The following DOCK10 variants were observed in gnomAD, a reference collection of about 807,000 sequenced individuals.
DOCK10 encodes the protein dedicator of cytokinesis protein 10.
A neutral mutation model predicts 280.1 loss-of-function variants in DOCK10; 145 were observed. The ratio of observed to expected loss-of-function variants is 0.52; its 90% CI spans 0.45 to 0.59. DOCK10 has a LOEUF of 0.59. Among genes scored for constraint, DOCK10 ranks in the 20% least tolerant of loss-of-function variants. The pLI, the probability that DOCK10 is intolerant of heterozygous loss-of-function variation, is 0.00. For missense variants in DOCK10, 2,368 were observed against 2,651.7 expected (o/e 0.89, Z 2.35); for synonymous variants, 915 against 942.2 (o/e 0.97, Z 0.53).
chr2:224,768,916 C>A, intron 55 of DOCK10: 1 of 456,628 alleles, frequency 2.2e-6, no homozygotes, highest in Non-Finnish European at 4.4e-6. Flanking sequence ...CACAGAGGAA[C>A]AGAAGCTGTA....
intron 7 of DOCK10, 32 bp downstream of exon 7, chr2:224,885,639 A>T (rs1336449701): frequency 6.5e-7 from 1 of 1,531,672 alleles, no homozygotes; most frequent in Non-Finnish European, 8.7e-7. Flanking sequence ...AATAAAAAAA[A>T]ATCCCAAGGA....
chr2:224,977,694 C>T (rs985783215), intron 1 of DOCK10, among the ~76,000 whole-genome samples: 2 of 152,172 alleles, frequency 1.3e-5, no homozygotes, highest in African/African-American at 4.8e-5. Context: ...TTGACTGCAT[C>T]GTAACAGGCC....
intron 4 of DOCK10, among the ~76,000 whole-genome samples, chr2:224,891,681 C>T (rs1326494311): frequency 6.6e-6 from 1 of 151,984 alleles, no homozygotes; most frequent in African/African-American, 2.4e-5. Flanking sequence ...CAAAGAATAC[C>T]AACGAAGTCA....
chr2:224,944,621 T>C (rs1354586666), intron 1 of DOCK10, among the ~76,000 whole-genome samples: 1 of 152,206 alleles, frequency 6.6e-6, no homozygotes, highest in African/African-American at 2.4e-5. Flanking sequence ...AGATGGCAGG[T>C]GAGAGCGGCA....
At chr2:224,769,143 C>A (rs1189823709) in intron 55 of DOCK10, among the ~76,000 whole-genome samples, 1 of 152,100 alleles carries the variant, frequency 6.6e-6, no homozygotes, top group Non-Finnish European at 1.5e-5. Context: ...TCCTGTCACC[C>A]CTCAAATAGC....
intron 53 of DOCK10, among the ~76,000 whole-genome samples, chr2:224,771,626 G>A (rs1398944122): frequency 6.6e-6 from 1 of 152,226 alleles, no homozygotes; most frequent in Non-Finnish European, 1.5e-5. Flanking sequence ...GGCTTGGGAA[G>A]GAAAAAGGTA....
At chr2:224,976,769 G>A (rs1017088346) in intron 1 of DOCK10, among the ~76,000 whole-genome samples, 1 of 151,904 alleles carries the variant, frequency 6.6e-6, no homozygotes, top group Non-Finnish European at 1.5e-5. Flanking sequence ...TAAATGGTCA[G>A]AATACTTTAG....
intron 3 of DOCK10, 114 bp downstream of exon 3, chr2:224,916,581 T>C: frequency 1.8e-6 from 1 of 570,790 alleles, no homozygotes; most frequent in Non-Finnish European, 3.0e-6. Flanking sequence ...CTAGTTAGAA[T>C]ATTTGGAATT....
chr2:224,985,630 G>GAAAA (rs56042875), intron 1 of DOCK10, among the ~76,000 whole-genome samples: 37,764 of 141,712 alleles, frequency 0.27, 6,281 homozygotes, highest in Middle Eastern at 0.37. Flanking sequence ...GGTTAAGGAG[G>GAAAA]AAAAAAAAAA....
At chr2:225,027,426 G>C (rs1020029500) in intron 1 of DOCK10, among the ~76,000 whole-genome samples, 1 of 152,116 alleles carries the variant, frequency 6.6e-6, no homozygotes, top group African/African-American at 2.4e-5. Context: ...GAGATGGTTT[G>C]GATCTATGTC....
At chr2:224,793,997 C>T (rs1480894691) in intron 45 of DOCK10, among the ~76,000 whole-genome samples, 2 of 152,194 alleles carry the variant, frequency 1.3e-5, no homozygotes, top group South Asian at 2.1e-4. Flanking sequence ...TAATCTGTCT[C>T]TTATGAAGCC....
intron 41 of DOCK10, among the ~76,000 whole-genome samples, chr2:224,799,168 C>A (rs532296595): frequency 3.8e-4 from 58 of 152,312 alleles, no homozygotes; most frequent in African/African-American, 1.3e-3. Context: ...ATTCCTTCCT[C>A]CCATCCTTCC....
At chr2:224,921,108 A>ATATATATATATATATATATAT (rs1553613930) in intron 2 of DOCK10, among the ~76,000 whole-genome samples, 13 of 71,050 alleles carry the variant, frequency 1.8e-4, no homozygotes, top group African/African-American at 7.2e-4. Flanking sequence ...AAAAAAAAAA[A>ATATATATATATATATATATAT]AAAAATATAT....
chr2:224,804,973 A>G, intron 37 of DOCK10, 85 bp downstream of exon 37: 3 of 1,324,660 alleles, frequency 2.3e-6, no homozygotes, highest in Non-Finnish European at 3.1e-6. Context: ...AACTTACTAT[A>G]TGGGTTCTTG....
chr2:224,853,780 G>GA (rs1463759623), intron 16 of DOCK10, among the ~76,000 whole-genome samples: 2 of 152,214 alleles, frequency 1.3e-5, no homozygotes, highest in Non-Finnish European at 2.9e-5. Flanking sequence ...TTGTGGTACT[G>GA]AAAGACCAAG....
chr2:224,966,520 G>A (rs10176225), intron 1 of DOCK10, among the ~76,000 whole-genome samples: 37,301 of 151,908 alleles, frequency 0.25, 4,792 homozygotes, highest in Admixed American at 0.28. Flanking sequence ...TCAACAAAAG[G>A]GAGATGTTTG....
chr2:225,018,506 T>TGGAGAG (rs1689678688), intron 1 of DOCK10, among the ~76,000 whole-genome samples: 1 of 52,344 alleles, frequency 1.9e-5, no homozygotes, highest in African/African-American at 7.4e-5. Context: ...ATAATATATA[T>TGGAGAG]GTAATATTAT....
intron 1 of DOCK10, among the ~76,000 whole-genome samples, chr2:224,972,863 C>G (rs571075458): frequency 1.2e-4 from 18 of 152,124 alleles, no homozygotes; most frequent in Non-Finnish European, 2.5e-4. Context: ...AGTTAAATTT[C>G]GGAAAACTGG....
chr2:225,007,343 C>T (rs1356647718), intron 1 of DOCK10, among the ~76,000 whole-genome samples: 1 of 152,094 alleles, frequency 6.6e-6, no homozygotes, highest in Non-Finnish European at 1.5e-5. Flanking sequence ...TAGATGCATG[C>T]ATAAATAAAA....
Sources: allele counts gnomAD v4.1 joint callset (sites outside exome capture counted in the v4.1 genomes callset), GRCh38; gene constraint gnomAD v4.1.1; transcripts MANE v1.5; gene names NCBI Gene and HGNC (gene_info 2026-07-23, HGNC 2026-07-21).